Variants in GNB4 observed in about 807,000 individuals in gnomAD.
GNB4 encodes guanine nucleotide-binding protein subunit beta-4.
In GNB4, 28 loss-of-function variants were observed where a neutral mutation model predicts 45.2. That is an observed-to-expected ratio of 0.62 (90% CI 0.46 to 0.85). GNB4 has a LOEUF of 0.85. Among genes scored for constraint, GNB4 ranks in the 40% least tolerant of loss-of-function variants. The pLI, the probability that GNB4 is intolerant of heterozygous loss-of-function variation, is 0.00. For missense variants in GNB4, 321 were observed against 425.4 expected, an observed-to-expected ratio of 0.75 and a Z score of 2.16; for synonymous variants, 132 against 143.7, an observed-to-expected ratio of 0.92 and a Z score of 0.58.
the GNB4 span, among the ~76,000 whole-genome samples, chr3:179,463,162 G>A: frequency 1.3e-5 from 2 of 152,168 alleles, no homozygotes; most frequent in Non-Finnish European, 2.9e-5. Context: ...GGGTCAGGAA[G>A]CAATGTCCGT....
At chr3:179,450,572 A>G (rs1310836979) in intron 1 of GNB4, among the ~76,000 whole-genome samples, 1 of 152,224 alleles carries the variant, frequency 6.6e-6, no homozygotes, top group South Asian at 2.1e-4. Flanking sequence ...GGAAAGAGAA[A>G]GGGAAGGAGT....
At chr3:179,463,582 T>G in the GNB4 span, among the ~76,000 whole-genome samples, 2 of 152,210 alleles carry the variant, frequency 1.3e-5, no homozygotes, top group Non-Finnish European at 2.9e-5. Context: ...TTAAAAGATC[T>G]TGCCCAAGAG....
At chr3:179,429,449 G>T (rs550713051) in intron 1 of GNB4, among the ~76,000 whole-genome samples, 11 of 152,110 alleles carry the variant, frequency 7.2e-5, no homozygotes, top group Non-Finnish European at 1.3e-4. Context: ...TCATTTATTC[G>T]CTTGTAAGTA....
intron 2 of GNB4, among the ~76,000 whole-genome samples, chr3:179,422,841 G>A (rs951477626): frequency 6.6e-6 from 1 of 152,148 alleles, no homozygotes; most frequent in African/African-American, 2.4e-5. Flanking sequence ...CGCCCAGGCT[G>A]GAGTGCACTG....
At chr3:179,465,085 A>G in the GNB4 span, 1 of 1,455,694 alleles carries the variant, frequency 6.9e-7, no homozygotes, top group Non-Finnish European at 9.6e-7. Flanking sequence ...CAATTCTTGC[A>G]GATATTGTAA....
the GNB4 span, among the ~76,000 whole-genome samples, chr3:179,503,596 T>C: frequency 6.6e-6 from 1 of 152,236 alleles, no homozygotes; most frequent in Non-Finnish European, 1.5e-5. Context: ...TCTCTAGCGG[T>C]GAATTAAGAA....
chr3:179,411,990 C>T (rs1301610334), intron 8 of GNB4, among the ~76,000 whole-genome samples: 1 of 152,130 alleles, frequency 6.6e-6, no homozygotes, highest in Non-Finnish European at 1.5e-5. Flanking sequence ...AACACCCCTC[C>T]CCCTCAATTC....
At chr3:179,407,208 G>A (rs769401551) in intron 8 of GNB4, among the ~76,000 whole-genome samples, 4 of 152,064 alleles carry the variant, frequency 2.6e-5, no homozygotes, top group South Asian at 2.1e-4. Context: ...ACCTGTAATC[G>A]AGCACTTTGG....
chr3:179,481,184 C>T, the GNB4 span, among the ~76,000 whole-genome samples: 39 of 151,908 alleles, frequency 2.6e-4, no homozygotes, highest in African/African-American at 9.2e-4. Flanking sequence ...TGTAGATCTT[C>T]TGAAAGACAC....
chr3:179,440,506 T>G (rs1423544048), intron 1 of GNB4, among the ~76,000 whole-genome samples: 1 of 152,242 alleles, frequency 6.6e-6, no homozygotes, highest in East Asian at 1.9e-4. Context: ...AGCTGACTTT[T>G]ACATGTTTTA....
the GNB4 span, among the ~76,000 whole-genome samples, chr3:179,465,826 T>C: frequency 1.0e-4 from 15 of 148,014 alleles, no homozygotes; most frequent in South Asian, 4.2e-4. Context: ...TCTTCTTCTT[T>C]TTTTTTTTTT....
chr3:179,489,035 TATATATATATAA>T, the GNB4 span, among the ~76,000 whole-genome samples: 1 of 74,446 alleles, frequency 1.3e-5, no homozygotes, highest in Non-Finnish European at 2.4e-5. Flanking sequence ...TATATATATA[TATATATATATAA>T]TATATATGTA....
intron 8 of GNB4, among the ~76,000 whole-genome samples, chr3:179,406,704 C>G (rs757608995): frequency 9.2e-5 from 14 of 152,114 alleles, no homozygotes; most frequent in Non-Finnish European, 1.5e-4. Context: ...CTTCTGCCTC[C>G]TGGGTTCAAG....
the GNB4 span, among the ~76,000 whole-genome samples, chr3:179,468,035 A>AAAAAAAATAAATATATATAT: frequency 1.1e-5 from 1 of 89,856 alleles, no homozygotes; most frequent in African/African-American, 4.0e-5. Flanking sequence ...TGTTGATAAA[A>AAAAAAAATAAATATATATAT]ATATATATAT....
intron 8 of GNB4, among the ~76,000 whole-genome samples, chr3:179,407,670 A>G (rs923579637): frequency 2.0e-5 from 3 of 152,170 alleles, no homozygotes; most frequent in African/African-American, 7.2e-5. Flanking sequence ...AGAGAGGACA[A>G]TGCTTGGCAA....
At position 179,407,126 on chromosome 3, in the gene GNB4, T is replaced by C. The variant is rs747645166; in HGVS notation, c.700-1720A>G. Among the ~76,000 whole-genome samples, 59 of 152,228 alleles carry C rather than the reference T, an allele frequency of 3.9e-4. No individual in the cohort carries two copies. The Middle Eastern group carries it at 0.01, about 26-fold the overall frequency. ...TATATAAAACATGGTTCTAAAAACA[T>C]TGGATATCAGTCAACGAAGGAGCGT... is the stretch of plus-strand genomic sequence containing the variant. On this transcript the variant is annotated intron_variant, in intron 8 of 9. Transcript: ENST00000232564.
rs768745441 is a variant in GNB4 at position 179,413,517 on chromosome 3, A to G, written c.594T>C (p.Thr198=). Residue 198 remains threonine (T), a synonymous_variant, in exon 8 of 10, where the codon ACT becomes ACC. Transcript: ENST00000232564. ...AGGCATCACAAGCACCAGAAACAAAAGTCCTCATGTCAGGACTCAAAGAAA... is the reference window on the plus strand; with the variant it reads ...AGGCATCACAAGCACCAGAAACAAAGGTCCTCATGTCAGGACTCAAAGAAA... The part of the protein sequence containing the change: ...MSLSLSPDMR[T]FVSGACDASS... 28 of 1,614,080 alleles carry G rather than the reference A, an allele frequency of 1.7e-5. No homozygotes were observed. The Admixed American group carries it at 3.0e-4, about 17-fold the overall frequency.
At chr3:179,422,374 C>T (rs900130709) in intron 2 of GNB4, among the ~76,000 whole-genome samples, 1 of 151,834 alleles carries the variant, frequency 6.6e-6, no homozygotes, top group Non-Finnish European at 1.5e-5. Flanking sequence ...TGCCTATAAT[C>T]CCAGCACTTT....
intron 2 of GNB4, 137 bp downstream of exon 2, chr3:179,426,007 T>C: frequency 1.5e-6 from 1 of 661,376 alleles, no homozygotes; most frequent in Non-Finnish European, 2.6e-6. Flanking sequence ...CCTCAGTTCT[T>C]ACTTCGCCAT....
Sources: allele counts gnomAD v4.1 joint callset (sites outside exome capture counted in the v4.1 genomes callset), GRCh38; gene constraint gnomAD v4.1.1; transcripts MANE v1.5; gene names NCBI Gene and HGNC (gene_info 2026-07-23, HGNC 2026-07-21).